The following ZNF385B variants were observed in gnomAD, a reference collection of about 807,000 sequenced individuals.
The protein encoded by ZNF385B is zinc finger protein 385B.
A neutral mutation model predicts 39.2 loss-of-function variants in ZNF385B; 23 were observed. The ratio of observed to expected loss-of-function variants is 0.59; its 90% CI spans 0.42 to 0.83. ZNF385B has a LOEUF of 0.83. Among genes scored for constraint, ZNF385B ranks in the 40% least tolerant of loss-of-function variants. The probability of loss-of-function intolerance (pLI) is 0.00; values close to 1 mark genes in which losing one functional copy is unlikely to be tolerated. For missense variants in ZNF385B, 552 were observed against 598.9 expected, an observed-to-expected ratio of 0.92 and a Z score of 0.82; for synonymous variants, 205 against 222.6, an observed-to-expected ratio of 0.92 and a Z score of 0.70.
chr2:179,514,413 C>G (rs2105788364), intron 5 of ZNF385B, among the ~76,000 whole-genome samples: 1 of 152,316 alleles, frequency 6.6e-6, no homozygotes, highest in Non-Finnish European at 1.5e-5. Flanking sequence ...TCCCTTAATT[C>G]CATCTACTAC....
chr2:179,469,120 T>C (rs1357128646), intron 6 of ZNF385B, among the ~76,000 whole-genome samples: 1 of 152,238 alleles, frequency 6.6e-6, no homozygotes, highest in Non-Finnish European at 1.5e-5. Flanking sequence ...CAAGCTGCTC[T>C]GCTCTGCCTA....
intron 1 of ZNF385B, among the ~76,000 whole-genome samples, chr2:179,815,420 C>T (rs1485416906): frequency 6.6e-6 from 1 of 152,034 alleles, no homozygotes; most frequent in Non-Finnish European, 1.5e-5. Flanking sequence ...TGAAATAGAA[C>T]TTGAGAAGAA....
At position 179,622,249 on chromosome 2, in the gene ZNF385B, C is replaced by A. The variant is rs556314246; in HGVS notation, c.299-77280G>T. Among the ~76,000 whole-genome samples the A allele has an allele frequency of 3.3e-5, 5 of 152,164 alleles. No homozygotes were observed. In the East Asian group the frequency reaches 9.6e-4, roughly 29 times the overall value. On this transcript the variant is annotated intron_variant, in intron 3 of 9. Transcript: ENST00000410066. ...AACTATTAATAAAAATGTAGTATAA[C>A]AGCCCAGTCCCAGAACTCATTCAGG... is the stretch of plus-strand genomic sequence containing the variant.
chr2:179,567,135 G>A (rs909376637), intron 3 of ZNF385B, among the ~76,000 whole-genome samples: 3 of 152,068 alleles, frequency 2.0e-5, no homozygotes, highest in East Asian at 1.9e-4. Context: ...GGCTGGTCTC[G>A]AACTCCTGAC....
At chr2:179,473,133 A>T (rs781217363) in intron 6 of ZNF385B, among the ~76,000 whole-genome samples, 1 of 152,188 alleles carries the variant, frequency 6.6e-6, no homozygotes, top group Admixed American at 6.5e-5. Flanking sequence ...CAGTGGAAGG[A>T]TAGAAAGACA....
At chr2:179,454,366 T>C (rs10202578) in intron 6 of ZNF385B, among the ~76,000 whole-genome samples, 23,902 of 152,202 alleles carry the variant, frequency 0.16, 2,044 homozygotes, top group African/African-American at 0.2. Flanking sequence ...CCTACTGTGC[T>C]ACCAGTCATA....
At chr2:179,550,100 A>C (rs1174177360) in intron 3 of ZNF385B, among the ~76,000 whole-genome samples, 1 of 149,540 alleles carries the variant, frequency 6.7e-6, no homozygotes, top group Non-Finnish European at 1.5e-5. Flanking sequence ...AAATTAAAAA[A>C]CAGAGATATT....
intron 3 of ZNF385B, among the ~76,000 whole-genome samples, chr2:179,659,058 C>T (rs1045534342): frequency 2.6e-5 from 4 of 151,412 alleles, no homozygotes; most frequent in Admixed American, 6.6e-5. Flanking sequence ...ATTGCAGGCG[C>T]GAGCCACCAT....
intron 3 of ZNF385B, among the ~76,000 whole-genome samples, chr2:179,714,230 G>GT (rs1268005206): frequency 6.6e-6 from 1 of 152,162 alleles, no homozygotes; most frequent in Non-Finnish European, 1.5e-5. Context: ...AATGACCAGA[G>GT]TTAATATTTA....
At chr2:179,606,518 G>T (rs1688814793) in intron 3 of ZNF385B, among the ~76,000 whole-genome samples, 1 of 151,966 alleles carries the variant, frequency 6.6e-6, no homozygotes, top group East Asian at 1.9e-4. Context: ...TTTCCTTTAG[G>T]TTGTGGGTGC....
intron 3 of ZNF385B, among the ~76,000 whole-genome samples, chr2:179,683,391 A>G (rs6707332): frequency 6.6e-6 from 1 of 152,118 alleles, no homozygotes; most frequent in Non-Finnish European, 1.5e-5. Context: ...CAAAAAAGAA[A>G]AAAAGGAGCT....
chr2:179,733,070 C>A (rs1310178513), intron 3 of ZNF385B, among the ~76,000 whole-genome samples: 1 of 152,154 alleles, frequency 6.6e-6, no homozygotes, highest in African/African-American at 2.4e-5. Flanking sequence ...TATGTACAAT[C>A]ATGAATTCTT....
At chr2:179,458,276 C>G (rs1291881336) in intron 6 of ZNF385B, among the ~76,000 whole-genome samples, 2 of 152,124 alleles carry the variant, frequency 1.3e-5, no homozygotes, top group Non-Finnish European at 2.9e-5. Flanking sequence ...CTCACGAGAT[C>G]TGATGGTTAT....
chr2:179,521,411 G>A (rs1173246253), intron 4 of ZNF385B, among the ~76,000 whole-genome samples: 1 of 142,414 alleles, frequency 7.0e-6, no homozygotes, highest in Admixed American at 7.8e-5. Flanking sequence ...TATTGGCCAG[G>A]CTGGTCTCGA....
intron 3 of ZNF385B, among the ~76,000 whole-genome samples, chr2:179,577,654 T>C (rs1023816963): frequency 2.6e-5 from 4 of 152,176 alleles, no homozygotes; most frequent in South Asian, 2.1e-4. Flanking sequence ...CTTTTTCTTA[T>C]CAGAAAAAAA....
At chr2:179,469,154 C>A (rs1517709) in intron 6 of ZNF385B, among the ~76,000 whole-genome samples, 1 of 151,880 alleles carries the variant, frequency 6.6e-6, no homozygotes, top group Non-Finnish European at 1.5e-5. Context: ...CTTTTTGCTT[C>A]TTTCTTAATA....
chr2:179,537,723 A>T (rs186653974), intron 4 of ZNF385B, among the ~76,000 whole-genome samples: 81 of 151,826 alleles, frequency 5.3e-4, no homozygotes, highest in South Asian at 8.3e-4. Context: ...CCTAGGTGAC[A>T]GAGCAAGACT....
intron 1 of ZNF385B, among the ~76,000 whole-genome samples, chr2:179,773,156 C>G (rs933902496): frequency 6.6e-6 from 1 of 151,946 alleles, no homozygotes; most frequent in Non-Finnish European, 1.5e-5. Flanking sequence ...CATTGTTATC[C>G]AATTGTTTTC....
chr2:179,692,002 G>A (rs1305522340), intron 3 of ZNF385B, among the ~76,000 whole-genome samples: 1 of 152,036 alleles, frequency 6.6e-6, no homozygotes, highest in Non-Finnish European at 1.5e-5. Flanking sequence ...TATCTTTGTG[G>A]TAGGAACATT....
Sources: allele counts gnomAD v4.1 joint callset (sites outside exome capture counted in the v4.1 genomes callset), GRCh38; gene constraint gnomAD v4.1.1; transcripts MANE v1.5; gene names NCBI Gene and HGNC (gene_info 2026-07-23, HGNC 2026-07-21).